The following MYCBP2 variants were observed in gnomAD, a reference collection of about 807,000 sequenced individuals.
MYCBP2 encodes E3 ubiquitin-protein ligase MYCBP2.
MYCBP2 carries 120 observed loss-of-function variants against 525.3 expected under a neutral mutation model. That is an observed-to-expected ratio of 0.23 (90% CI 0.20 to 0.27). The LOEUF is 0.27. Ranked by LOEUF, MYCBP2 falls within the 10% of genes least tolerant of loss-of-function variation. The pLI, the probability that MYCBP2 is intolerant of heterozygous loss-of-function variation, is 1.00. For synonymous variants in MYCBP2, 1,894 were observed against 1,955.8 expected (o/e 0.97, Z 0.83); for missense variants, 4,149 against 5,657.1 (o/e 0.73, Z 8.55).
chr13:77,234,366 T>G (rs2067576047), intron 17 of MYCBP2, among the ~76,000 whole-genome samples: 1 of 152,022 alleles, frequency 6.6e-6, no homozygotes, highest in Admixed American at 6.6e-5. Flanking sequence ...CTATTGATCT[T>G]CAGTTTAATT....
chr13:77,126,206 C>A, intron 53 of MYCBP2, 112 bp downstream of exon 53: 2 of 783,494 alleles, frequency 2.6e-6, no homozygotes, highest in African/African-American at 1.7e-5. Context: ...AGATAAAATA[C>A]ATTAACATTG....
At chr13:77,080,229 T>G (rs977727810) in intron 65 of MYCBP2, among the ~76,000 whole-genome samples, 2 of 152,204 alleles carry the variant, frequency 1.3e-5, no homozygotes, top group African/African-American at 4.8e-5. Flanking sequence ...CCTGCACTGA[T>G]GTACAGGAGT....
Position 77,150,780 on chromosome 13 carries a change from G to T in MYCBP2, c.7085C>A (p.Pro2362Gln). ...ATATCGAGCTTCCTTCACTATCATTGGTTCATATGAAACATCTAGCTTTGG... is the reference window on the plus strand; with the variant it reads ...ATATCGAGCTTCCTTCACTATCATTTGTTCATATGAAACATCTAGCTTTGG... ...ASPKLDVSYE[P>Q]MIVKEARYIA... The change falls in exon 47 of 83, where the codon CCA becomes CAA. Residue 2362 changes from proline to glutamine, a missense_variant. This residue lies in a region of MYCBP2 where 692 missense variants were observed against 852.7 expected (regional missense o/e 0.81). Coordinates refer to ENST00000544440, the MANE Select transcript of MYCBP2 (RefSeq NM_015057.5). The T allele has an allele frequency of 6.2e-7, 1 of 1,613,962 alleles. No individual in the cohort carries two copies. Among genetic ancestry groups the T allele is most frequent in the Non-Finnish European group, 8.5e-7 (1 of 1,179,958 alleles).
chr13:77,174,704 T>C (rs2059444295), intron 36 of MYCBP2, among the ~76,000 whole-genome samples: 1 of 150,676 alleles, frequency 6.6e-6, no homozygotes, highest in African/African-American at 2.5e-5. Flanking sequence ...CTTTATGGAA[T>C]TTAATTAATC....
In MYCBP2 at chr13:77,326,370, C is replaced by A; in HGVS notation, c.302+104G>T. 1 of 1,150,454 alleles carries A rather than the reference C, an allele frequency of 8.7e-7. No individual in the cohort carries two copies. Among genetic ancestry groups the A allele is most frequent in the East Asian group, 2.9e-5 (1 of 34,550 alleles). 71.3% of individuals were successfully genotyped at this position (1,150,454 alleles called of 1,614,324 possible). On this transcript the variant is annotated intron_variant, in intron 1 of 82. Transcript: ENST00000544440. The surrounding 1 kb of genome is among the most constrained non-coding windows in gnomAD (Gnocchi z 4.2). ...GAGCGGACTGAAAGCTCAATAAATG[C>A]GCAGGTACACACACGCAAGCACACA...
intron 1 of MYCBP2, among the ~76,000 whole-genome samples, chr13:77,298,081 C>T (rs1171418038): frequency 6.6e-6 from 1 of 152,214 alleles, no homozygotes; most frequent in Non-Finnish European, 1.5e-5. Context: ...TTTAAAAGAT[C>T]CTCTTCCAAT....
chr13:77,289,810 A>G, intron 2 of MYCBP2, among the ~76,000 whole-genome samples: 1 of 152,198 alleles, frequency 6.6e-6, no homozygotes, highest in East Asian at 1.9e-4. Flanking sequence ...CAAAAAAGTT[A>G]CCAGAAATAG....
intron 20 of MYCBP2, among the ~76,000 whole-genome samples, chr13:77,219,869 A>G (rs989510038): frequency 3.3e-5 from 5 of 152,150 alleles, no homozygotes; most frequent in African/African-American, 7.2e-5. Context: ...GTGAGCTTCA[A>G]AAGATCTCCT....
At chr13:77,266,439 A>C (rs919127571) in intron 8 of MYCBP2, among the ~76,000 whole-genome samples, 8 of 152,136 alleles carry the variant, frequency 5.3e-5, no homozygotes, top group African/African-American at 1.9e-4. Flanking sequence ...AGTGAAAGAG[A>C]TAGATTAAAA....
intron 46 of MYCBP2, among the ~76,000 whole-genome samples, chr13:77,153,985 C>T (rs2056888106): frequency 1.3e-5 from 2 of 152,058 alleles, no homozygotes; most frequent in African/African-American, 4.8e-5. Flanking sequence ...ACACTTGTTG[C>T]TTTTGAAAGC....
chr13:77,199,060 G>A (rs947758551), intron 26 of MYCBP2, among the ~76,000 whole-genome samples: 4 of 152,156 alleles, frequency 2.6e-5, no homozygotes, highest in African/African-American at 9.7e-5. Context: ...AATAGGAACA[G>A]CTCCGGTCTA....
At chr13:77,148,409 T>C (rs918575994) in intron 47 of MYCBP2, among the ~76,000 whole-genome samples, 4 of 152,046 alleles carry the variant, frequency 2.6e-5, no homozygotes, top group Non-Finnish European at 5.9e-5. Flanking sequence ...TTACTCAGAA[T>C]TGTTCTGTCT....
rs780576215 is a variant in MYCBP2 at position 77,098,926 on chromosome 13, T to G, written c.8228A>C (p.Lys2743Thr). 2 of 1,613,600 alleles carry G rather than the reference T, an allele frequency of 1.2e-6. No individual in the cohort carries two copies. Among genetic ancestry groups the G allele is most frequent in the South Asian group, 2.2e-5 (2 of 91,068 alleles). Residue 2743 changes from lysine (K) to threonine (T), a missense_variant, in exon 56 of 83, where the codon AAA becomes ACA. Transcript: ENST00000544440. ...AGTCCGGCTCATACGTCCATCAGGT[T>G]TAAGCGATCTGCTGTGTTTAGAGGA... is the stretch of plus-strand genomic sequence containing the variant. ...ELSSKHSRSL[K>T]PDGRMSRTTA...
intron 30 of MYCBP2, among the ~76,000 whole-genome samples, chr13:77,188,063 T>C (rs1179217023): frequency 1.5e-5 from 2 of 133,144 alleles, no homozygotes; most frequent in Admixed American, 8.2e-5. Flanking sequence ...AGAGCGAGAC[T>C]CTGCCTCACC....
intron 3 of MYCBP2, among the ~76,000 whole-genome samples, chr13:77,281,538 G>A (rs542367951): frequency 6.6e-6 from 1 of 152,110 alleles, no homozygotes; most frequent in Non-Finnish European, 1.5e-5. Context: ...ATAGTCTTTT[G>A]TAAATTTACT....
At chr13:77,253,791 C>T (rs2071644330) in intron 14 of MYCBP2, among the ~76,000 whole-genome samples, 1 of 151,906 alleles carries the variant, frequency 6.6e-6, no homozygotes, top group Admixed American at 6.6e-5. Context: ...ATCAGTCTGT[C>T]AATATCAGAT....
chr13:77,212,460 A>G (rs2064155393), intron 21 of MYCBP2, among the ~76,000 whole-genome samples: 2 of 152,230 alleles, frequency 1.3e-5, no homozygotes, highest in Admixed American at 1.3e-4. Context: ...CTACATTTAA[A>G]TGAAAAGTAC....
intron 54 of MYCBP2, among the ~76,000 whole-genome samples, chr13:77,124,552 T>C (rs1259286218): frequency 1.3e-5 from 2 of 152,210 alleles, no homozygotes; most frequent in Non-Finnish European, 2.9e-5. Flanking sequence ...CATGAGCAAC[T>C]AGTATGTGTC....
At chr13:77,051,309 C>A (rs1209093672) in intron 81 of MYCBP2, 147 bp from the exon 82 acceptor site, 2 of 664,546 alleles carry the variant, frequency 3.0e-6, no homozygotes, top group Non-Finnish European at 4.8e-6. Flanking sequence ...TGATGATACA[C>A]ATGTTTGAAA....
Sources: gnomAD v4.1 joint callset for allele counts (sites outside exome capture counted in the v4.1 genomes callset) on GRCh38, gnomAD v4.1.1 for gene constraint, gnomAD v4.1.1 regional missense constraint, Gnocchi (gnomAD v3.1) non-coding constraint, MANE v1.5 for transcripts, NCBI Gene and HGNC (gene_info 2026-07-23, HGNC 2026-07-21) for gene names.